The following ADIPOR2 variants were observed in gnomAD, a reference collection of about 807,000 sequenced individuals.
The protein encoded by ADIPOR2 is adiponectin receptor 2, also known as adiponectin receptor protein 2.
Under a neutral mutation model 40.9 loss-of-function variants are expected in ADIPOR2, and 18 were observed. That is an observed-to-expected ratio of 0.44 (90% confidence interval 0.30 to 0.65). The LOEUF (loss-of-function observed/expected upper bound fraction) is 0.65, where lower values mean the gene tolerates loss of function less well. Among genes scored for constraint, ADIPOR2 ranks in the 30% least tolerant of loss-of-function variants. ADIPOR2 has a pLI of 0.09. For synonymous variants in ADIPOR2, 165 were observed against 166.4 expected (o/e 0.99, Z 0.06); for missense variants, 283 against 479.2 (o/e 0.59, Z 3.82).
Position 1,786,236 on chromosome 12 carries a change from GAAAAAC to G in ADIPOR2, c.*170_*175del. On this transcript the variant is annotated 3_prime_UTR_variant, in exon 8 of 8. Transcript: ENST00000357103. ...TCTGCGTGGTACATGACTGAGAAGA[GAAAAAC>G]AAAAATAAATCATACCTCAAAGGAT... 1.2e-6 allele frequency: 1 copy of G among 829,826 alleles called. No homozygotes were observed. The highest frequency in any genetic ancestry group is 1.8e-6 in the Non-Finnish European group (1 of 561,090). The allele number at this position is 829,826 out of a possible 1,614,324, so 51.4% of individuals were successfully genotyped here.
chr12:1,705,450 A>C (rs2094660271), intron 1 of ADIPOR2, among the ~76,000 whole-genome samples: 1 of 152,194 alleles, frequency 6.6e-6, no homozygotes, highest in Non-Finnish European at 1.5e-5. Flanking sequence ...CAAGTGGAAA[A>C]TTCCATACCT....
intron 1 of ADIPOR2, among the ~76,000 whole-genome samples, chr12:1,728,534 C>T (rs1235637809): frequency 6.6e-6 from 1 of 151,308 alleles, no homozygotes; most frequent in African/African-American, 2.4e-5. Flanking sequence ...ACCAGCCTGG[C>T]CAATATGGTG....
chr12:1,753,013 A>G (rs1312315513), intron 1 of ADIPOR2, among the ~76,000 whole-genome samples: 2 of 152,202 alleles, frequency 1.3e-5, no homozygotes, highest in African/African-American at 2.4e-5. Context: ...GAGAAATCCT[A>G]CAGCAAATTC....
chr12:1,712,774 A>G (rs1019961955), intron 1 of ADIPOR2, among the ~76,000 whole-genome samples: 2 of 152,074 alleles, frequency 1.3e-5, no homozygotes, highest in Admixed American at 1.3e-4. Flanking sequence ...GATTCCAAGG[A>G]ACCCCCGCAA....
chr12:1,784,279 A>G (rs1862785755), intron 7 of ADIPOR2, among the ~76,000 whole-genome samples: 1 of 152,256 alleles, frequency 6.6e-6, no homozygotes, highest in South Asian at 2.1e-4. Flanking sequence ...CATGGTACAG[A>G]GTGCTTTGCA....
chr12:1,757,952 C>T, intron 2 of ADIPOR2: 1 of 1,041,666 alleles, frequency 9.6e-7, no homozygotes, highest in East Asian at 2.4e-5. Context: ...TCAATTTATC[C>T]AGCATCCAAT....
chr12:1,768,763 T>TA (rs1343923418), intron 2 of ADIPOR2, among the ~76,000 whole-genome samples: 5 of 152,216 alleles, frequency 3.3e-5, no homozygotes, highest in Non-Finnish European at 7.3e-5. Context: ...AGTCAAATGT[T>TA]ACTATGTTTT....
intron 3 of ADIPOR2, among the ~76,000 whole-genome samples, chr12:1,776,431 T>A (rs1447864492): frequency 6.6e-6 from 1 of 152,224 alleles, no homozygotes; most frequent in Non-Finnish European, 1.5e-5. Flanking sequence ...CCTGGATTCT[T>A]GCTTTATAGG....
At chr12:1,707,984 GT>G (rs2094666975) in intron 1 of ADIPOR2, among the ~76,000 whole-genome samples, 1 of 152,086 alleles carries the variant, frequency 6.6e-6, no homozygotes, top group Admixed American at 6.6e-5. Context: ...AGCGCTCCTT[GT>G]CTGAGGGTTC....
intron 1 of ADIPOR2, among the ~76,000 whole-genome samples, chr12:1,694,728 T>TA (rs558747961): frequency 1.1e-4 from 16 of 152,328 alleles, no homozygotes; most frequent in African/African-American, 3.8e-4. Flanking sequence ...AACAGTTTGA[T>TA]ATAGGTCTTT....
At chr12:1,757,049 T>G (rs1862148421) in intron 2 of ADIPOR2, among the ~76,000 whole-genome samples, 1 of 152,214 alleles carries the variant, frequency 6.6e-6, no homozygotes, top group African/African-American at 2.4e-5. Context: ...AGATTTTTAT[T>G]TACCTCTGTT....
At chr12:1,764,598 T>C (rs1016096840) in intron 2 of ADIPOR2, among the ~76,000 whole-genome samples, 2 of 123,302 alleles carry the variant, frequency 1.6e-5, no homozygotes, top group Non-Finnish European at 3.9e-5. Context: ...CACGTAGATA[T>C]ATTGTAAGTG....
At chr12:1,754,750 T>C (rs563596692) in intron 2 of ADIPOR2, among the ~76,000 whole-genome samples, 11 of 133,474 alleles carry the variant, frequency 8.2e-5, no homozygotes, top group South Asian at 2.5e-4. Flanking sequence ...ACTACTACTA[T>C]TGAGACGGAG....
chr12:1,784,965 C>T (rs996162339), intron 7 of ADIPOR2, among the ~76,000 whole-genome samples: 1 of 152,140 alleles, frequency 6.6e-6, no homozygotes, highest in Non-Finnish European at 1.5e-5. Flanking sequence ...ATCTTTCTAG[C>T]TTCAAATTAG....
In ADIPOR2 at chr12:1,754,511, A is replaced by G. The variant is rs1862070345; in HGVS notation, c.168A>G (p.Lys56=). 1.3e-6 allele frequency: 2 copies of G among 1,599,136 alleles called. No homozygotes were observed. The highest frequency in any genetic ancestry group is 1.1e-5 in the South Asian group (1 of 87,616). ...CATCTGTTCTATCTTCCCATCATAA[A>G]AAAGTAAGTCAAATTGGAAGAATGA... ...LEASVLSSHH[K]KSSEEHEYSD... Residue 56 remains lysine, a synonymous_variant, in exon 2 of 8, where the codon AAA becomes AAG. Transcript: ENST00000357103.
chr12:1,754,546 GA>G (rs1862071125), intron 2 of ADIPOR2, 32 bp downstream of exon 2: 2 of 1,568,664 alleles, frequency 1.3e-6, no homozygotes, highest in African/African-American at 1.4e-5. Flanking sequence ...ATAAACAAAG[GA>G]AAAAATGTGG....
chr12:1,767,816 G>A (rs758314568), intron 2 of ADIPOR2, among the ~76,000 whole-genome samples: 2 of 152,182 alleles, frequency 1.3e-5, no homozygotes. Context: ...GTTTGTGATA[G>A]AATTCTTAGA....
chr12:1,775,966 A>G (rs1409199670), intron 3 of ADIPOR2, among the ~76,000 whole-genome samples: 1 of 152,174 alleles, frequency 6.6e-6, no homozygotes, highest in African/African-American at 2.4e-5. Flanking sequence ...GTCTTTTGGC[A>G]TTATTTTATT....
In ADIPOR2 at chr12:1,711,929, G is replaced by A. The variant is rs188463357; in HGVS notation, c.-87+20738G>A. On this transcript the variant is annotated intron_variant, in intron 1 of 7. Transcript: ENST00000357103. ...TCTTTCCATATTGCATCATGGGCACGAAGGATTAGATAAGCATACTTGTTA... is the reference window on the plus strand; with the variant it reads ...TCTTTCCATATTGCATCATGGGCACAAAGGATTAGATAAGCATACTTGTTA... Among the ~76,000 whole-genome samples, 129 of 152,240 alleles carry A rather than the reference G, an allele frequency of 8.5e-4. 1 individual carries two copies. The highest frequency in any genetic ancestry group is 2.4e-3 in the African/African-American group (101 of 41,496).
Sources: allele counts gnomAD v4.1 joint callset (sites outside exome capture counted in the v4.1 genomes callset), GRCh38; gene constraint gnomAD v4.1.1; transcripts MANE v1.5; gene names NCBI Gene and HGNC (gene_info 2026-07-23, HGNC 2026-07-21).